ELP6: variants seen among roughly 807,000 people sequenced by gnomAD.
The protein encoded by ELP6 is elongator complex protein 6.
In ELP6, 23 loss-of-function variants were observed where a neutral mutation model predicts 28.1. The observed-to-expected ratio is 0.82, with a 90% CI of 0.59 to 1.16. ELP6 has a LOEUF of 1.16. Among genes scored for constraint, ELP6 ranks in the 50% most tolerant of loss-of-function variants. The pLI is 0.00. For synonymous variants in ELP6, 132 were observed against 135.8 expected (o/e 0.97, Z 0.19); for missense variants, 313 against 334.6 (o/e 0.94, Z 0.50).
chr3:47,498,178 G>C, intron 6 of ELP6, 108 bp downstream of exon 6: 1 of 1,475,804 alleles, frequency 6.8e-7, no homozygotes, highest in East Asian at 2.4e-5. Context: ...CCTTCCACCT[G>C]AAGTCATGTC....
chr3:47,499,889 G>T, intron 5 of ELP6: 1 of 1,273,920 alleles, frequency 7.8e-7, no homozygotes, highest in Admixed American at 2.7e-5. Context: ...GGACCCGGAG[G>T]CGAAGCATAT....
At chr3:47,504,757 A>C in intron 3 of ELP6, 1 of 546,024 alleles carries the variant, frequency 1.8e-6, no homozygotes, top group Non-Finnish European at 2.3e-6. Context: ...GAAGTTTGAG[A>C]CAAGCCTGGG....
At chr3:47,496,693 C>T in intron 6 of ELP6, 2 of 779,118 alleles carry the variant, frequency 2.6e-6, no homozygotes, top group Non-Finnish European at 1.6e-6. Context: ...CGGGGTTTCA[C>T]TATGTTGGCC....
intron 5 of ELP6, chr3:47,499,693 C>CAAAAAAAA: frequency 1.5e-6 from 1 of 645,274 alleles, no homozygotes; most frequent in Non-Finnish European, 1.8e-6. Context: ...AACTCCGTCT[C>CAAAAAAAA]AAAAAAAAAA....
chr3:47,510,402 C>T (rs1311208691), intron 2 of ELP6, 148 bp from the exon 3 acceptor site: 1 of 621,088 alleles, frequency 1.6e-6, no homozygotes, highest in Non-Finnish European at 2.8e-6. Flanking sequence ...CTAAGATGTA[C>T]TTTTTTTCTT....
intron 6 of ELP6, chr3:47,497,819 G>C (rs1322308127): frequency 3.2e-6 from 1 of 309,110 alleles, no homozygotes; most frequent in Non-Finnish European, 4.7e-6. Context: ...ATAATCCCAA[G>C]TACTAGGAAG....
intron 4 of ELP6, chr3:47,502,410 T>G: frequency 1.1e-6 from 1 of 925,008 alleles, no homozygotes; most frequent in Non-Finnish European, 1.2e-6. Context: ...AATGAGACTC[T>G]GTCTCAAAAA....
chr3:47,502,523 AG>A, intron 4 of ELP6: 1 of 984,750 alleles, frequency 1.0e-6, no homozygotes, highest in Non-Finnish European at 1.2e-6. Context: ...CCTTCCCAGG[AG>A]GTTATACACA....
At chr3:47,497,926 G>A (rs946029961) in intron 6 of ELP6, 15 of 983,700 alleles carry the variant, frequency 1.5e-5, no homozygotes, top group Middle Eastern at 5.2e-4. Flanking sequence ...GCAAGACTCC[G>A]TCTAAAAAAA....
chr3:47,503,146 C>A, intron 4 of ELP6: 1 of 1,147,044 alleles, frequency 8.7e-7, no homozygotes, highest in South Asian at 1.9e-5. Context: ...GTATAACCAG[C>A]CCCTGCCTTC....
At chr3:47,500,514 T>C (rs1281257768) in intron 5 of ELP6, 1 of 152,164 alleles carries the variant, frequency 6.6e-6, no homozygotes, top group African/African-American at 2.4e-5. Flanking sequence ...TACTCTTCCT[T>C]CTTTTTCTCT....
At chr3:47,497,320 G>A (rs377663595) in intron 6 of ELP6, 22 of 985,056 alleles carry the variant, frequency 2.2e-5, no homozygotes, top group Middle Eastern at 5.2e-4. Flanking sequence ...CCACGGGTAC[G>A]GCCTCCCCAA....
chr3:47,513,191 C>T, intron 1 of ELP6: 1 of 1,039,114 alleles, frequency 9.6e-7, no homozygotes, highest in Non-Finnish European at 1.2e-6. Flanking sequence ...GGGGTTTCAC[C>T]ATCTTGGCCA....
rs1708663438 is a variant in ELP6, at chr3:47,501,774, G to A, written c.401C>T (p.Ala134Val). 2 of 1,605,260 alleles carry A rather than the reference G, an allele frequency of 1.2e-6. No homozygotes were observed. Among genetic ancestry groups the A allele is most frequent in the Admixed American group, 1.7e-5 (1 of 59,190 alleles). Residue 134 changes from alanine to valine, a missense_variant, in exon 5 of 7, where the codon GCT becomes GTT. By Grantham distance (64) the Ala-to-Val change is moderately conservative. Transcript: ENST00000296149. ...EALKPVDSGEARWTYPVLLVD... is the reference protein window; with the variant it reads ...EALKPVDSGEVRWTYPVLLVD... ...CAACAGCACCGGGTACGTCCACCGA[G>A]CCTCTCCACTGTCTACTGGCTTCAG...
At position 47,497,854 on chromosome 3, in the gene ELP6, C is replaced by G. The variant is rs577986501; in HGVS notation, c.672+432G>C. ...GGCTGAGGCAGAGAATTGCTTGAAC[C>G]CAGGAGGCGGAGGTTGCAGTGAGCC... On this transcript the variant is annotated intron_variant, in intron 6 of 6. Coordinates refer to ENST00000296149, the MANE Select transcript of ELP6 (RefSeq NM_001031703.3). 2.3e-5 allele frequency: 14 copies of G among 603,112 alleles called. No homozygotes were observed. In the South Asian group the frequency reaches 9.6e-4, roughly 41 times the overall value. The allele number at this position is 603,112 out of a possible 1,614,324, so 37.4% of individuals were successfully genotyped here.
At chr3:47,497,070 T>C in intron 6 of ELP6, 1 of 980,634 alleles carries the variant, frequency 1.0e-6, no homozygotes, top group Non-Finnish European at 1.2e-6. Flanking sequence ...TGAAGGACTC[T>C]GGGCCAAGAC....
Position 47,496,393 on chromosome 3 carries a change from T to C in ELP6, c.673-196A>G, listed in dbSNP as rs967662870. The C allele has an allele frequency of 6.1e-6, 6 of 984,190 alleles. No homozygotes were observed. The African/African-American group carries it at 1.1e-4, about 17-fold the overall frequency. The allele number at this position is 984,190 out of a possible 1,614,324, so 61.0% of individuals were successfully genotyped here. A position where few individuals can be genotyped will look rare whatever the true frequency, so the allele number is the denominator to read the frequency against. On this transcript the variant is annotated intron_variant, in intron 6 of 6. Coordinates refer to ENST00000296149, the MANE Select transcript of ELP6 (RefSeq NM_001031703.3). ...CTACAAATAAAGGGTTCCCCTCCAT[T>C]ACAGTAGTCATATTGGCTCAATACA...
At chr3:47,496,293 C>A in intron 6 of ELP6, 96 bp from the exon 7 acceptor site, 1 of 1,478,832 alleles carries the variant, frequency 6.8e-7, no homozygotes, top group Admixed American at 2.7e-5. Flanking sequence ...TCAGCTGAGG[C>A]CTCTATGAGA....
intron 3 of ELP6, among the ~76,000 whole-genome samples, chr3:47,506,421 A>G (rs2108112054): frequency 6.6e-6 from 1 of 152,214 alleles, no homozygotes; most frequent in South Asian, 2.1e-4. Flanking sequence ...GCTATGGGAG[A>G]CTGGGGTCTA....
Sources: allele counts gnomAD v4.1 joint callset (sites outside exome capture counted in the v4.1 genomes callset), GRCh38; gene constraint gnomAD v4.1.1; transcripts MANE v1.5; gene names NCBI Gene and HGNC (gene_info 2026-07-23, HGNC 2026-07-21).